The following LPP variants were observed in gnomAD, a reference collection of about 807,000 sequenced individuals.
LPP encodes the protein LIM domain containing preferred translocation partner in lipoma, also known as lipoma-preferred partner.
LPP carries 38 observed loss-of-function variants against 60.4 expected under a neutral mutation model. The observed-to-expected ratio is 0.63, with a 90% confidence interval of 0.49 to 0.83. The LOEUF (loss-of-function observed/expected upper bound fraction) is 0.83, where lower values mean the gene tolerates loss of function less well. Among genes scored for constraint, LPP ranks in the 40% least tolerant of loss-of-function variants. LPP has a pLI of 0.00. For missense variants in LPP, 902 were observed against 783.6 expected, an observed-to-expected ratio of 1.15 and a Z score of -1.80; for synonymous variants, 328 against 290.8, an observed-to-expected ratio of 1.13 and a Z score of -1.30.
chr3:188,477,873 G>A (rs956440225), intron 4 of LPP, among the ~76,000 whole-genome samples: 5 of 151,934 alleles, frequency 3.3e-5, no homozygotes, highest in Admixed American at 6.6e-5. Context: ...AAATGATAAC[G>A]TTATACATGC....
chr3:188,538,277 C>T (rs1007164258), intron 6 of LPP, among the ~76,000 whole-genome samples: 1 of 152,092 alleles, frequency 6.6e-6, no homozygotes, highest in Non-Finnish European at 1.5e-5. Context: ...ACAAACAATC[C>T]GTGGAATTTG....
In LPP at chr3:188,623,258, C is replaced by CTTT. The variant is rs112468971; in HGVS notation, c.1113+13429_1113+13431dup. On this transcript the variant is annotated intron_variant, in intron 7 of 11. Transcript: ENST00000617246. ...TAGCCTCAAAAAGTCTATGAAGATA[C>CTTT]TTTTTTTTTTTTTTTTTGAAAGAGA... 1.2e-3 allele frequency among the ~76,000 whole-genome samples: 166 copies of CTTT among 135,964 alleles called. 5 individuals are homozygous for CTTT. Among genetic ancestry groups the CTTT allele is most frequent in the Admixed American group, 4.9e-3 (66 of 13,344 alleles). 89.2% of individuals were successfully genotyped at this position (135,964 alleles called of 152,430 possible).
rs527808739 is a variant in LPP, at chr3:188,684,585, C to T, written c.1114-23682C>T. 1.2e-4 allele frequency among the ~76,000 whole-genome samples: 18 copies of T among 152,188 alleles called. No individual in the cohort carries two copies. In the South Asian group the frequency reaches 2.1e-3, roughly 18 times the overall value. On this transcript the variant is annotated intron_variant, in intron 7 of 11. Transcript: ENST00000617246. ...TCTTATGTCAAAACTTTGTCCCATACGCTGTTAGTGTTAGAAATGGAGCCG... is the reference window on the plus strand; with the variant it reads ...TCTTATGTCAAAACTTTGTCCCATATGCTGTTAGTGTTAGAAATGGAGCCG...
intron 7 of LPP, among the ~76,000 whole-genome samples, chr3:188,702,172 G>T (rs1373855495): frequency 1.3e-5 from 2 of 151,666 alleles, no homozygotes; most frequent in African/African-American, 4.8e-5. Flanking sequence ...TAGCTAGGAT[G>T]GTCTCGATTT....
chr3:188,696,671 C>T lies in LPP; in HGVS notation c.1114-11596C>T, dbSNP rs573543051. 2.0e-5 allele frequency among the ~76,000 whole-genome samples: 3 copies of T among 152,324 alleles called. No homozygotes were observed. The East Asian group carries it at 5.8e-4, about 29-fold the overall frequency. ...ATAGGTAGTAAAATTCAGCATCCTGCACTGGATCATACAATTGGTAAGCTG... is the reference window on the plus strand; with the variant it reads ...ATAGGTAGTAAAATTCAGCATCCTGTACTGGATCATACAATTGGTAAGCTG... On this transcript the variant is annotated intron_variant, in intron 7 of 11. Coordinates refer to ENST00000617246, the MANE Select transcript of LPP (RefSeq NM_001375462.1).
At chr3:188,501,488 G>T (rs933537209) in intron 5 of LPP, among the ~76,000 whole-genome samples, 1 of 149,150 alleles carries the variant, frequency 6.7e-6, no homozygotes, top group East Asian at 2.0e-4. Context: ...GGTGGCTCAC[G>T]CCTGTAATCC....
At chr3:188,597,085 C>T (rs866669503) in intron 6 of LPP, among the ~76,000 whole-genome samples, 10 of 152,078 alleles carry the variant, frequency 6.6e-5, no homozygotes, top group African/African-American at 1.9e-4. Context: ...AGGTTAGGAA[C>T]GCTGGTTTCA....
intron 5 of LPP, among the ~76,000 whole-genome samples, chr3:188,486,428 A>G (rs911148330): frequency 9.2e-5 from 14 of 152,290 alleles, no homozygotes; most frequent in African/African-American, 3.4e-4. Flanking sequence ...TACAAAGTAC[A>G]TTAGAGTGGA....
intron 7 of LPP, among the ~76,000 whole-genome samples, chr3:188,646,320 C>T (rs1851093943): frequency 6.6e-6 from 1 of 152,096 alleles, no homozygotes; most frequent in Non-Finnish European, 1.5e-5. Flanking sequence ...GTAAACAGAA[C>T]CATACCCAAA....
rs560404995 is a variant in LPP at position 188,772,462 on chromosome 3, C to T, written c.1410+12180C>T. Among the ~76,000 whole-genome samples, 155 of 152,248 alleles carry T rather than the reference C, an allele frequency of 1.0e-3. 1 individual carries two copies. The highest frequency in any genetic ancestry group is 3.7e-3 in the South Asian group (18 of 4,812). ...TGACAGGAACCCCTTGAAGACTGTG[C>T]GGGGTGCGGGGAGGTCACCCTTTTT... On this transcript the variant is annotated intron_variant, in intron 9 of 11. Coordinates refer to ENST00000617246, the MANE Select transcript of LPP (RefSeq NM_001375462.1).
At chr3:188,712,084 G>T (rs1053468731) in intron 8 of LPP, 2 of 152,190 alleles carry the variant, frequency 1.3e-5, no homozygotes, top group Non-Finnish European at 2.9e-5. Context: ...GGCTGTCAAT[G>T]TCCGGCTAAA....
chr3:188,240,517 T>A (rs974850816), intron 2 of LPP, among the ~76,000 whole-genome samples: 3 of 152,286 alleles, frequency 2.0e-5, no homozygotes, highest in Admixed American at 6.5e-5. Context: ...GACTGCTTTA[T>A]TTTGTAGGGA....
At chr3:188,849,266 T>C (rs1185372742) in intron 9 of LPP, among the ~76,000 whole-genome samples, 1 of 152,124 alleles carries the variant, frequency 6.6e-6, no homozygotes, top group Non-Finnish European at 1.5e-5. Context: ...GTTGCATAGC[T>C]GCAAGGACGA....
At chr3:188,626,742 C>A (rs970177852) in intron 7 of LPP, among the ~76,000 whole-genome samples, 1 of 152,004 alleles carries the variant, frequency 6.6e-6, no homozygotes, top group African/African-American at 2.4e-5. Context: ...CTTTAAAGGC[C>A]CTTTCTCCAA....
chr3:188,624,466 G>T (rs922506596), intron 7 of LPP, among the ~76,000 whole-genome samples: 1 of 152,158 alleles, frequency 6.6e-6, no homozygotes, highest in African/African-American at 2.4e-5. Flanking sequence ...GAAACCTTTG[G>T]ATAGAACATT....
At chr3:188,448,851 A>G (rs1403828421) in intron 4 of LPP, among the ~76,000 whole-genome samples, 2 of 152,044 alleles carry the variant, frequency 1.3e-5, no homozygotes, top group African/African-American at 2.4e-5. Flanking sequence ...TTTCTGAAAA[A>G]CCTTGGAATT....
chr3:188,325,105 C>G (rs900859439), intron 2 of LPP, among the ~76,000 whole-genome samples: 2 of 152,064 alleles, frequency 1.3e-5, no homozygotes, highest in Non-Finnish European at 2.9e-5. Flanking sequence ...CTCAGCCTCC[C>G]GAGTAGCTGG....
chr3:188,678,027 C>G (rs1350268363), intron 7 of LPP, among the ~76,000 whole-genome samples: 1 of 152,198 alleles, frequency 6.6e-6, no homozygotes, highest in Non-Finnish European at 1.5e-5. Flanking sequence ...AAATCTTCAA[C>G]TACATTCTGT....
intron 1 of LPP, among the ~76,000 whole-genome samples, chr3:188,199,776 G>A (rs1344787552): frequency 1.3e-5 from 2 of 151,392 alleles, no homozygotes; most frequent in African/African-American, 2.4e-5. Context: ...GTTCAATGGC[G>A]TGATCTTGGC....
Sources: allele counts gnomAD v4.1 joint callset (sites outside exome capture counted in the v4.1 genomes callset), GRCh38; gene constraint gnomAD v4.1.1; transcripts MANE v1.5; gene names NCBI Gene and HGNC (gene_info 2026-07-23, HGNC 2026-07-21).